KCNJ15: variants seen among roughly 807,000 people sequenced by gnomAD.
The protein encoded by KCNJ15 is ATP-sensitive inward rectifier potassium channel 15.
In KCNJ15, 14 loss-of-function variants were observed where a neutral mutation model predicts 23.0. That is an observed-to-expected ratio of 0.61 (90% CI 0.40 to 0.95). KCNJ15 has a LOEUF of 0.95. KCNJ15 is among the 40% of genes least tolerant of loss of function. The probability of loss-of-function intolerance (pLI) is 0.00; values close to 1 mark genes in which losing one functional copy is unlikely to be tolerated. For synonymous variants in KCNJ15, 185 were observed against 183.2 expected (o/e 1.01, Z -0.08); for missense variants, 388 against 461.8 (o/e 0.84, Z 1.46).
At chr21:38,269,841 G>T (rs2123640437) in intron 1 of KCNJ15, among the ~76,000 whole-genome samples, 1 of 152,164 alleles carries the variant, frequency 6.6e-6, no homozygotes, top group South Asian at 2.1e-4. Context: ...GGCTTAACTG[G>T]ATCTATTGAA....
intron 1 of KCNJ15, among the ~76,000 whole-genome samples, chr21:38,278,955 T>G (rs1304213573): frequency 1.3e-5 from 2 of 152,098 alleles, no homozygotes; most frequent in Non-Finnish European, 2.9e-5. Context: ...AAGGATGCTA[T>G]AGAGAGAGGA....
At chr21:38,278,019 T>C (rs1297416576) in intron 1 of KCNJ15, among the ~76,000 whole-genome samples, 1 of 152,230 alleles carries the variant, frequency 6.6e-6, no homozygotes, top group Admixed American at 6.5e-5. Flanking sequence ...TTTGCAGGCA[T>C]GATTCCGTCT....
chr21:38,293,610 C>T (rs9981890), intron 1 of KCNJ15, among the ~76,000 whole-genome samples: 3,982 of 152,318 alleles, frequency 0.026, 164 homozygotes, highest in East Asian at 0.13. Context: ...GTGCTGTAAT[C>T]TCAACTGGTG....
intron 1 of KCNJ15, among the ~76,000 whole-genome samples, chr21:38,288,921 C>T (rs1448942374): frequency 3.9e-5 from 6 of 152,064 alleles, no homozygotes; most frequent in African/African-American, 7.2e-5. Flanking sequence ...CACATTAAGC[C>T]GGGCGCGGTG....
At chr21:38,287,496 T>C (rs1006533261) in intron 1 of KCNJ15, among the ~76,000 whole-genome samples, 4 of 152,250 alleles carry the variant, frequency 2.6e-5, no homozygotes, top group African/African-American at 9.6e-5. Context: ...TACATATATG[T>C]AAATAGTACA....
At chr21:38,259,028 T>C (rs554079230) in intron 1 of KCNJ15, among the ~76,000 whole-genome samples, 11 of 152,050 alleles carry the variant, frequency 7.2e-5, no homozygotes, top group Non-Finnish European at 4.4e-5. Flanking sequence ...TGTGTGCGCG[T>C]GTGTGTGGTG....
At position 38,268,189 on chromosome 21, in the gene KCNJ15, C is replaced by T. The variant is rs1030087961; in HGVS notation, c.-117+11004C>T. Among the ~76,000 whole-genome samples the T allele has an allele frequency of 7.2e-5, 11 of 152,200 alleles. 1 individual carries two copies. The South Asian group carries it at 1.7e-3, about 23-fold the overall frequency. On this transcript the variant is annotated intron_variant, in intron 1 of 2. Coordinates refer to ENST00000398938, the MANE Select transcript of KCNJ15 (RefSeq NM_170736.3). ...CAAGTTTATCCTTTCATAAGACCAG[C>T]AGCCTTTTGAACACAAACAGGATCT...
Position 38,305,925 on chromosome 21 carries a change from T to G in KCNJ15, c.*5536T>G, listed in dbSNP as rs542431370. The G allele has an allele frequency of 2.0e-5, 3 of 152,278 alleles. No individual in the cohort carries two copies. The highest frequency in any genetic ancestry group is 1.3e-4 in the Admixed American group (2 of 15,300). 9.4% of individuals were successfully genotyped at this position (152,278 alleles called of 1,614,324 possible). On this transcript the variant is annotated 3_prime_UTR_variant, in exon 3 of 3. Coordinates refer to ENST00000398938, the MANE Select transcript of KCNJ15 (RefSeq NM_170736.3). ...GCTTGCCCAATTATCAAGGGAAAATTTCAGCTGAACACGGGGAACCCAGTC... is the reference window on the plus strand; with the variant it reads ...GCTTGCCCAATTATCAAGGGAAAATGTCAGCTGAACACGGGGAACCCAGTC...
At chr21:38,288,066 A>T (rs764534987) in intron 1 of KCNJ15, among the ~76,000 whole-genome samples, 22 of 23,126 alleles carry the variant, frequency 9.5e-4, no homozygotes, top group South Asian at 3.6e-3. Flanking sequence ...TTTGAGATGG[A>T]GTCTCACTCT....
chr21:38,261,571 C>T (rs1475193808), intron 1 of KCNJ15, among the ~76,000 whole-genome samples: 1 of 152,162 alleles, frequency 6.6e-6, no homozygotes, highest in Admixed American at 6.5e-5. Context: ...GAAAACCAAT[C>T]TTAATGCTAT....
At chr21:38,230,195 A>G (rs1025679827) in intron 1 of KCNJ15, among the ~76,000 whole-genome samples, 20 of 152,040 alleles carry the variant, frequency 1.3e-4, no homozygotes, top group African/African-American at 4.3e-4. Flanking sequence ...ACATGTTATT[A>G]TCTGTCTTTT....
chr21:38,242,903 G>A (rs543920502), intron 1 of KCNJ15, among the ~76,000 whole-genome samples: 1 of 152,312 alleles, frequency 6.6e-6, no homozygotes, highest in East Asian at 1.9e-4. Flanking sequence ...ATGGAAGGGT[G>A]CCGGGCCCAC....
At position 38,265,124 on chromosome 21, in the gene KCNJ15, C is replaced by G. The variant is rs144924632; in HGVS notation, c.-117+7939C>G. Among the ~76,000 whole-genome samples, 66 of 152,332 alleles carry G rather than the reference C, an allele frequency of 4.3e-4. 1 individual carries two copies. Among genetic ancestry groups the G allele is most frequent in the African/African-American group, 1.5e-3 (64 of 41,572 alleles). On this transcript the variant is annotated intron_variant, in intron 1 of 2. Coordinates refer to ENST00000398938, the MANE Select transcript of KCNJ15 (RefSeq NM_170736.3). ...TTTCAGTCTCCTTCAAACGCTATGT[C>G]TAGATCTGGCTTGTGTTAGCATACC...
chr21:38,289,994 T>G (rs1288210192), intron 1 of KCNJ15, among the ~76,000 whole-genome samples: 1 of 152,196 alleles, frequency 6.6e-6, no homozygotes, highest in Non-Finnish European at 1.5e-5. Context: ...GCACTCTCAC[T>G]CTATAGGGAA....
At chr21:38,256,360 T>TTACATATATATATATATATA (rs1980230455), upstream of KCNJ15, among the ~76,000 whole-genome samples, 5 of 106,238 alleles carry the variant, frequency 4.7e-5, no homozygotes, top group Non-Finnish European at 7.1e-5. Context: ...TCTATTCAGC[T>TTACATATATATATATATATA]TATATATATA....
At chr21:38,244,377 G>A (rs2123562279) in intron 1 of KCNJ15, among the ~76,000 whole-genome samples, 1 of 152,258 alleles carries the variant, frequency 6.6e-6, no homozygotes, top group African/African-American at 2.4e-5. Flanking sequence ...AAAATACCAG[G>A]GAAGCAGGGA....
At chr21:38,236,793 G>T (rs973999977) in intron 1 of KCNJ15, among the ~76,000 whole-genome samples, 2 of 152,154 alleles carry the variant, frequency 1.3e-5, no homozygotes, top group South Asian at 2.1e-4. Context: ...TATGTTTGTT[G>T]CCTGTTCACA....
chr21:38,271,215 T>C (rs564494115), intron 1 of KCNJ15, among the ~76,000 whole-genome samples: 5 of 152,352 alleles, frequency 3.3e-5, no homozygotes, highest in South Asian at 4.1e-4. Context: ...TTTCCCTTCA[T>C]AGAAAGCTAA....
chr21:38,269,095 G>T (rs1360148738), intron 1 of KCNJ15: 1 of 152,184 alleles, frequency 6.6e-6, no homozygotes, highest in Non-Finnish European at 1.5e-5. Context: ...ATGATTTTTT[G>T]TGAAAGTGTT....
Sources: allele counts gnomAD v4.1 joint callset (sites outside exome capture counted in the v4.1 genomes callset), GRCh38; gene constraint gnomAD v4.1.1; transcripts MANE v1.5; gene names NCBI Gene and HGNC (gene_info 2026-07-23, HGNC 2026-07-21).